The following EIF2AK3 variants were observed in gnomAD, a reference collection of about 807,000 sequenced individuals.
The protein encoded by EIF2AK3 is eukaryotic translation initiation factor 2 alpha kinase 3, also known as eukaryotic translation initiation factor 2-alpha kinase 3.
Under a neutral mutation model 113.5 loss-of-function variants are expected in EIF2AK3, and 50 were observed. That is an observed-to-expected ratio of 0.44 (90% CI 0.35 to 0.56). The LOEUF (loss-of-function observed/expected upper bound fraction) is 0.56. EIF2AK3 is among the 20% of genes least tolerant of loss of function. The pLI is 0.00. For missense variants in EIF2AK3, 1,185 were observed against 1,378.0 expected (o/e 0.86, Z 2.22); for synonymous variants, 448 against 495.4 (o/e 0.90, Z 1.27).
chr2:88,574,394 T>C (rs1214022608), intron 13 of EIF2AK3: 5 of 488,304 alleles, frequency 1.0e-5, no homozygotes, highest in African/African-American at 1.9e-5. Context: ...TTCTTTTTTT[T>C]CCCTCACCTG....
chr2:88,620,282 C>G (rs1408904685), intron 1 of EIF2AK3, among the ~76,000 whole-genome samples: 1 of 152,142 alleles, frequency 6.6e-6, no homozygotes, highest in Non-Finnish European at 1.5e-5. Context: ...TCCTTCCCAG[C>G]TCCACACTCC....
At position 88,579,530 on chromosome 2, in the gene EIF2AK3, C is replaced by T. The variant is rs374308160; in HGVS notation, c.1874G>A (p.Arg625His). ...DDCNYAIKRI[R>H]LPNRELAREK... ...TACCACCCATTACCTATTGGGGAGA[C>T]GGATCCTCTTGATAGCATAATTGCA... Residue 625 changes from arginine (R) to histidine (H), a missense_variant, in exon 11 of 17, where the codon CGT becomes CAT. Physicochemically the swap from Arg to His is conservative, Grantham distance 29 (BLOSUM62 0). This residue lies in a region of EIF2AK3 where 877 missense variants were observed against 1,024.2 expected (regional missense o/e 0.86). Coordinates refer to ENST00000303236, the MANE Select transcript of EIF2AK3 (RefSeq NM_004836.7). 27 of 1,613,548 alleles carry T rather than the reference C, an allele frequency of 1.7e-5. No homozygotes were observed. The highest frequency in any genetic ancestry group is 8.9e-5 in the East Asian group (4 of 44,830).
At chr2:88,606,304 AAAAT>A (rs906898439) in intron 2 of EIF2AK3, among the ~76,000 whole-genome samples, 55 of 150,660 alleles carry the variant, frequency 3.7e-4, no homozygotes, top group African/African-American at 1.2e-3. Context: ...ATTTCCTAAA[AAAAT>A]AAAATAAAAA....
intron 10 of EIF2AK3, among the ~76,000 whole-genome samples, chr2:88,580,661 A>G (rs1432713350): frequency 1.3e-5 from 2 of 152,206 alleles, no homozygotes; most frequent in Non-Finnish European, 2.9e-5. Flanking sequence ...GCATGAATTA[A>G]TGAATAAATT....
At chr2:88,585,774 G>A in intron 9 of EIF2AK3, 67 bp downstream of exon 9, 1 of 1,497,370 alleles carries the variant, frequency 6.7e-7, no homozygotes, top group African/African-American at 1.4e-5. Flanking sequence ...GCCAGACTGT[G>A]ATGGGTTGAG....
intron 4 of EIF2AK3, among the ~76,000 whole-genome samples, chr2:88,592,542 T>C (rs1485882136): frequency 2.0e-5 from 3 of 152,134 alleles, no homozygotes; most frequent in African/African-American, 7.2e-5. Context: ...GGTGGGTGGA[T>C]CACCTGAGGT....
At chr2:88,568,024 T>C (rs1041028311) in intron 14 of EIF2AK3, among the ~76,000 whole-genome samples, 10 of 152,176 alleles carry the variant, frequency 6.6e-5, no homozygotes, top group African/African-American at 2.4e-4. Context: ...TGGAGTGCAG[T>C]GGCAGGATCT....
intron 2 of EIF2AK3, among the ~76,000 whole-genome samples, chr2:88,606,522 A>T (rs904539386): frequency 6.6e-6 from 1 of 152,244 alleles, no homozygotes; most frequent in African/African-American, 2.4e-5. Context: ...CATGATTGAC[A>T]GCTATGCTTC....
chr2:88,563,143 A>G (rs1280734210), intron 14 of EIF2AK3, among the ~76,000 whole-genome samples: 1 of 152,208 alleles, frequency 6.6e-6, no homozygotes. Flanking sequence ...GAGATATAAC[A>G]TGACATTTGA....
Position 88,576,771 on chromosome 2 carries a change from A to G in EIF2AK3, c.1887-68T>C, listed in dbSNP as rs1013487461. 7.7e-6 allele frequency: 12 copies of G among 1,551,716 alleles called. No homozygotes were observed. In the African/African-American group the frequency reaches 1.5e-4, roughly 19 times the overall value. The stretch of plus-strand genomic sequence containing the variant: ...CACTGATTTGATCTTTACAAATTAT[A>G]TGACTTATACCCCTAAAATATGTAG... On this transcript the variant is annotated intron_variant, in intron 11 of 16. Transcript: ENST00000303236.
rs552028842 is a variant in EIF2AK3 at position 88,588,612 on chromosome 2, T to G, written c.1306+149A>C. 62 of 824,742 alleles carry G rather than the reference T, an allele frequency of 7.5e-5. No homozygotes were observed. In the South Asian group the frequency reaches 1.2e-3, roughly 16 times the overall value. The allele number at this position is 824,742 out of a possible 1,614,324, so 51.1% of individuals were successfully genotyped here. The stretch of plus-strand genomic sequence containing the variant: ...TCTAAATGAAAATAAAAATTCATTA[T>G]TAACATCTGAAATACCATCATGGTT... On this transcript the variant is annotated intron_variant, in intron 7 of 16. Transcript: ENST00000303236.
intron 1 of EIF2AK3, among the ~76,000 whole-genome samples, chr2:88,623,839 C>T (rs1279161907): frequency 6.6e-6 from 1 of 152,144 alleles, no homozygotes; most frequent in East Asian, 1.9e-4. Context: ...TGGGCTCTAT[C>T]TCTTCCTAGG....
chr2:88,621,026 C>T (rs1573427167), intron 1 of EIF2AK3, among the ~76,000 whole-genome samples: 1 of 152,164 alleles, frequency 6.6e-6, no homozygotes, highest in East Asian at 1.9e-4. Flanking sequence ...GGTTATGCAC[C>T]AAATACAAAA....
At chr2:88,595,960 T>G (rs1056556063) in intron 2 of EIF2AK3, 4 of 437,634 alleles carry the variant, frequency 9.1e-6, no homozygotes, top group Non-Finnish European at 1.7e-5. Flanking sequence ...TAATGGTAGG[T>G]GAGTTACCAA....
At chr2:88,557,961 G>C in intron 16 of EIF2AK3, 25 bp from the exon 17 acceptor site, 1 of 1,609,028 alleles carries the variant, frequency 6.2e-7, no homozygotes, top group Admixed American at 1.7e-5. Flanking sequence ...ATTGTTTTGT[G>C]ATAAAACGGC....
intron 2 of EIF2AK3, among the ~76,000 whole-genome samples, chr2:88,598,323 T>C (rs2104449306): frequency 6.6e-6 from 1 of 152,288 alleles, no homozygotes; most frequent in South Asian, 2.1e-4. Flanking sequence ...TATCTACATG[T>C]TCTAGGGTGT....
intron 14 of EIF2AK3, among the ~76,000 whole-genome samples, chr2:88,565,998 C>T (rs1317055720): frequency 6.6e-6 from 1 of 152,142 alleles, no homozygotes; most frequent in Non-Finnish European, 1.5e-5. Flanking sequence ...AAAATCTCTT[C>T]TGTATCTCTT....
At chr2:88,571,073 G>C in intron 13 of EIF2AK3, 32 bp from the exon 14 acceptor site, 1 of 1,612,336 alleles carries the variant, frequency 6.2e-7, no homozygotes, top group South Asian at 1.1e-5. Flanking sequence ...AAAGTACAGT[G>C]GGTGTGCATG....
rs774582330 is a variant in EIF2AK3 at position 88,576,572 on chromosome 2, A to G, written c.2018T>C (p.Ile673Thr). 51 of 1,613,958 alleles carry G rather than the reference A, an allele frequency of 3.2e-5. No individual in the cohort carries two copies. The highest frequency in any genetic ancestry group is 3.8e-5 in the Non-Finnish European group (45 of 1,179,992). ...TAGTTACCTTTCATCTTTCAGCCAA[A>G]TTTCATCCATCTTTTCTTGCCACTT... ...PEKWQEKMDE[I>T]WLKDESTDWP... Residue 673 changes from isoleucine (I) to threonine (T), a missense_variant, in exon 12 of 17, where the codon ATT (isoleucine) becomes ACT (threonine). Ile to Thr is a moderately conservative substitution (Grantham distance 89). Coordinates refer to ENST00000303236, the MANE Select transcript of EIF2AK3 (RefSeq NM_004836.7).
Sources: gnomAD v4.1 joint callset for allele counts (sites outside exome capture counted in the v4.1 genomes callset) on GRCh38, gnomAD v4.1.1 for gene constraint, gnomAD v4.1.1 regional missense constraint, MANE v1.5 for transcripts, NCBI Gene and HGNC (gene_info 2026-07-23, HGNC 2026-07-21) for gene names.